Variants in NELL2 observed in about 807,000 individuals in gnomAD.
NELL2 encodes the protein protein kinase C-binding protein NELL2.
In NELL2, 41 loss-of-function variants were observed where a neutral mutation model predicts 109.6. The ratio of observed to expected loss-of-function variants is 0.37; its 90% CI spans 0.29 to 0.49. NELL2 has a LOEUF of 0.49. NELL2 is among the 20% of genes least tolerant of loss of function. The pLI, the probability that NELL2 is intolerant of heterozygous loss-of-function variation, is 0.98. For missense variants in NELL2, 900 were observed against 1,008.3 expected (o/e 0.89, Z 1.45); for synonymous variants, 355 against 344.7 (o/e 1.03, Z -0.33).
rs143007715 is a variant in NELL2 at position 44,553,867 on chromosome 12, CCA to C, written c.1664-21148_1664-21147del. Among the ~76,000 whole-genome samples, 1,023 of 152,086 alleles carry C rather than the reference CCA, an allele frequency of 6.7e-3. 15 individuals carry two copies. The highest frequency in any genetic ancestry group is 0.023 in the African/African-American group (974 of 41,492). ...TGCTCATTTCTATCAACACATTATT[CCA>C]CACACACACATGCACACACACGCAC... On this transcript the variant is annotated intron_variant, in intron 15 of 19. Transcript: ENST00000429094.
intron 10 of NELL2, among the ~76,000 whole-genome samples, chr12:44,713,215 C>CACAGAG (rs1452907003): frequency 5.6e-5 from 8 of 143,302 alleles, no homozygotes; most frequent in South Asian, 2.2e-4. Flanking sequence ...CACACACACA[C>CACAGAG]AGAGAGAGAC....
At chr12:44,589,175 T>C (rs914800805) in intron 15 of NELL2, among the ~76,000 whole-genome samples, 4 of 152,122 alleles carry the variant, frequency 2.6e-5, no homozygotes, top group African/African-American at 7.2e-5. Flanking sequence ...CACTTTTGAC[T>C]ATGATGTTGG....
chr12:44,699,922 A>G (rs1255577451), intron 12 of NELL2, among the ~76,000 whole-genome samples: 1 of 152,090 alleles, frequency 6.6e-6, no homozygotes, highest in Non-Finnish European at 1.5e-5. Context: ...TCTCTAGACA[A>G]TCCCTTCCGT....
intron 1 of NELL2, among the ~76,000 whole-genome samples, chr12:44,902,495 T>A (rs561030693): frequency 6.6e-6 from 1 of 152,306 alleles, no homozygotes; most frequent in Admixed American, 6.5e-5. Context: ...ATGTATAGAT[T>A]CAATGCTATT....
At chr12:44,860,112 A>G (rs1475413803) in intron 2 of NELL2, among the ~76,000 whole-genome samples, 1 of 152,222 alleles carries the variant, frequency 6.6e-6, no homozygotes, top group African/African-American at 2.4e-5. Context: ...ATTTGTTCTC[A>G]GAATTAGTTC....
intron 15 of NELL2, among the ~76,000 whole-genome samples, chr12:44,557,218 C>T (rs1022569741): frequency 6.6e-6 from 1 of 152,112 alleles, no homozygotes; most frequent in African/African-American, 2.4e-5. Flanking sequence ...TTGCCCAGCC[C>T]CTTTTGAGTT....
At chr12:44,815,236 G>A (rs948304959) in intron 3 of NELL2, among the ~76,000 whole-genome samples, 1 of 152,072 alleles carries the variant, frequency 6.6e-6, no homozygotes, top group South Asian at 2.1e-4. Context: ...ATATGACAAA[G>A]GCTGGAAGAT....
chr12:44,883,457 T>C (rs1410427465), intron 1 of NELL2, among the ~76,000 whole-genome samples: 1 of 151,958 alleles, frequency 6.6e-6, no homozygotes, highest in Non-Finnish European at 1.5e-5. Flanking sequence ...CCCTGGATAA[T>C]CCAGTATAGT....
At chr12:44,903,532 T>TA (rs1424990203) in intron 1 of NELL2, among the ~76,000 whole-genome samples, 5 of 152,166 alleles carry the variant, frequency 3.3e-5, no homozygotes, top group African/African-American at 1.2e-4. Context: ...GAAATCCCAT[T>TA]ACTGGTTATA....
chr12:44,562,915 C>A (rs1592124322), intron 15 of NELL2, among the ~76,000 whole-genome samples: 1 of 152,136 alleles, frequency 6.6e-6, no homozygotes, highest in African/African-American at 2.4e-5. Context: ...TGGAAGCAAC[C>A]CAAATGCCCA....
At chr12:44,621,925 T>C (rs1340619638) in intron 13 of NELL2, among the ~76,000 whole-genome samples, 1 of 147,554 alleles carries the variant, frequency 6.8e-6, no homozygotes, top group African/African-American at 2.4e-5. Context: ...CACGTAGCGC[T>C]TCATGAGTTA....
At chr12:44,781,792 T>C (rs1941969741) in intron 3 of NELL2, among the ~76,000 whole-genome samples, 1 of 151,978 alleles carries the variant, frequency 6.6e-6, no homozygotes, top group Non-Finnish European at 1.5e-5. Flanking sequence ...TAGAATTGTA[T>C]ACCCAGCAAA....
At chr12:44,681,764 T>C (rs1264875956) in intron 12 of NELL2, among the ~76,000 whole-genome samples, 1 of 152,186 alleles carries the variant, frequency 6.6e-6, no homozygotes, top group Non-Finnish European at 1.5e-5. Context: ...TTTTTATGGC[T>C]GCATGGTATT....
chr12:44,851,441 G>C (rs1944532336), intron 2 of NELL2, among the ~76,000 whole-genome samples: 2 of 152,058 alleles, frequency 1.3e-5, no homozygotes, highest in Admixed American at 1.3e-4. Flanking sequence ...TGGACTCTTT[G>C]TTTATGATTG....
At chr12:44,770,757 G>A (rs1357538365) in intron 9 of NELL2, among the ~76,000 whole-genome samples, 1 of 152,126 alleles carries the variant, frequency 6.6e-6, no homozygotes, top group African/African-American at 2.4e-5. Flanking sequence ...CTGTATTTGA[G>A]AACTCTCTAA....
At chr12:44,806,022 A>G (rs1566437557) in intron 3 of NELL2, among the ~76,000 whole-genome samples, 1 of 151,814 alleles carries the variant, frequency 6.6e-6, no homozygotes, top group African/African-American at 2.4e-5. Flanking sequence ...TAGGAAAAAA[A>G]TTATTTCTTC....
intron 2 of NELL2, among the ~76,000 whole-genome samples, chr12:44,837,109 AACAAGAGCT>A: frequency 6.6e-6 from 1 of 152,200 alleles, no homozygotes; most frequent in Non-Finnish European, 1.5e-5. Flanking sequence ...TTGAATGAAT[AACAAGAGCT>A]ACTATTTACT....
intron 9 of NELL2, among the ~76,000 whole-genome samples, chr12:44,745,664 G>T (rs1049067930): frequency 6.7e-6 from 1 of 149,076 alleles, no homozygotes; most frequent in African/African-American, 2.5e-5. Context: ...ATAACAGACA[G>T]AGAGCCAAAT....
At chr12:44,632,558 A>G (rs1351420169) in intron 13 of NELL2, among the ~76,000 whole-genome samples, 4 of 152,034 alleles carry the variant, frequency 2.6e-5, no homozygotes, top group Non-Finnish European at 5.9e-5. Context: ...TAACATAAAT[A>G]AAGCATCTGG....
Sources: allele counts gnomAD v4.1 joint callset (sites outside exome capture counted in the v4.1 genomes callset), GRCh38; gene constraint gnomAD v4.1.1; transcripts MANE v1.5; gene names NCBI Gene and HGNC (gene_info 2026-07-23, HGNC 2026-07-21).